The following CEP170 variants were observed in gnomAD, a reference collection of about 807,000 sequenced individuals.
The protein encoded by CEP170 is centrosomal protein of 170 kDa.
A neutral mutation model predicts 151.9 loss-of-function variants in CEP170; 21 were observed. That is an observed-to-expected ratio of 0.14 (90% confidence interval 0.10 to 0.20). CEP170 has a LOEUF of 0.20. Among genes scored for constraint, CEP170 ranks in the 10% least tolerant of loss-of-function variants. The pLI is 1.00. For missense variants in CEP170, 964 were observed against 1,892.9 expected (o/e 0.51, Z 9.11); for synonymous variants, 356 against 648.8 (o/e 0.55, Z 6.86).
At chr1:243,252,299 T>C (rs913254459) in intron 1 of CEP170, among the ~76,000 whole-genome samples, 2 of 152,172 alleles carry the variant, frequency 1.3e-5, no homozygotes, top group African/African-American at 4.8e-5. Context: ...CTGCTTAACA[T>C]CCCAGTGTTT....
chr1:243,211,835 G>C, intron 4 of CEP170, 51 bp downstream of exon 4: 1 of 1,559,248 alleles, frequency 6.4e-7, no homozygotes, highest in Middle Eastern at 1.7e-4. Context: ...TTAAACCAGA[G>C]TAAACATATT....
intron 1 of CEP170, among the ~76,000 whole-genome samples, chr1:243,246,971 T>C (rs971793483): frequency 6.6e-6 from 1 of 152,178 alleles, no homozygotes; most frequent in Non-Finnish European, 1.5e-5. Flanking sequence ...GTATTTGCGA[T>C]GTTCCTTTTT....
Position 243,160,515 on chromosome 1 carries a change from C to G in CEP170, c.3676+3769G>C, listed in dbSNP as rs192140639. Among the ~76,000 whole-genome samples the G allele has an allele frequency of 1.9e-3, 293 of 152,156 alleles. 2 individuals are homozygous for G. Among genetic ancestry groups the G allele is most frequent in the African/African-American group, 6.7e-3 (280 of 41,514 alleles). ...TACTATCATTTATGATGTCTAGAGA[C>G]TTAAAAAGGAAAAAAAGAGTTGTTA... On this transcript the variant is annotated intron_variant, in intron 13 of 19. Transcript: ENST00000366542.
chr1:243,246,833 A>G (rs1383288423), intron 1 of CEP170, among the ~76,000 whole-genome samples: 1 of 152,162 alleles, frequency 6.6e-6, no homozygotes, highest in Non-Finnish European at 1.5e-5. Context: ...CATTATATGC[A>G]TTTTTTATCC....
At chr1:243,242,762 G>A (rs967021871) in intron 1 of CEP170, among the ~76,000 whole-genome samples, 8 of 151,820 alleles carry the variant, frequency 5.3e-5, no homozygotes, top group Non-Finnish European at 7.4e-5. Context: ...GTGCAGTGGC[G>A]CAATCTCGGC....
chr1:243,141,704 T>A (rs1353932178), intron 15 of CEP170, among the ~76,000 whole-genome samples: 1 of 152,256 alleles, frequency 6.6e-6, no homozygotes, highest in Non-Finnish European at 1.5e-5. Context: ...CCTGGAGTTA[T>A]ACTGTAAGAG....
intron 1 of CEP170, among the ~76,000 whole-genome samples, chr1:243,232,601 C>G (rs758336852): frequency 2.6e-5 from 4 of 152,190 alleles, no homozygotes; most frequent in Middle Eastern, 3.2e-3. Context: ...GCAAAACTGT[C>G]TTCCTCCATT....
chr1:243,127,310 C>T (rs1280191405), intron 19 of CEP170, among the ~76,000 whole-genome samples: 3 of 152,146 alleles, frequency 2.0e-5, no homozygotes, highest in African/African-American at 4.8e-5. Flanking sequence ...GCTTGCAAAG[C>T]CAAACAGACT....
chr1:243,222,674 T>C (rs1370086312), intron 2 of CEP170, among the ~76,000 whole-genome samples: 1 of 152,202 alleles, frequency 6.6e-6, no homozygotes, highest in Admixed American at 6.5e-5. Flanking sequence ...CTTCCAATTT[T>C]TGGTCCAACA....
chr1:243,176,176 C>T (rs1389976065), intron 10 of CEP170, among the ~76,000 whole-genome samples: 1 of 152,028 alleles, frequency 6.6e-6, no homozygotes, highest in Non-Finnish European at 1.5e-5. Flanking sequence ...AAATCCCAAA[C>T]ATGAGATAGT....
In CEP170 at chr1:243,191,072, C is replaced by T. The variant is rs1166930308; in HGVS notation, c.1054G>A (p.Glu352Lys). 6.2e-7 allele frequency: 1 copy of T among 1,611,648 alleles called. No individual in the cohort carries two copies. The highest frequency in any genetic ancestry group is 8.5e-7 in the Non-Finnish European group (1 of 1,178,592). The change falls in exon 8 of 20, where the codon GAG becomes AAG. Residue 352 changes from glutamate (E) to lysine (K), a missense_variant. Transcript: ENST00000366542. Reference sequence around the variant, plus strand: ...TCACTTTTAATGCTTTTAGAATCCTCTTCTGTTCTTTCCCATAGCATTTGA... The same window carrying T: ...TCACTTTTAATGCTTTTAGAATCCTTTTCTGTTCTTTCCCATAGCATTTGA... Reference protein sequence around the residue: ...PPQMLWERTEEDSKSIKSDVP... With the variant: ...PPQMLWERTEKDSKSIKSDVP...
intron 10 of CEP170, among the ~76,000 whole-genome samples, chr1:243,180,354 G>A (rs538557686): frequency 6.6e-6 from 1 of 152,344 alleles, no homozygotes; most frequent in South Asian, 2.1e-4. Context: ...CACAGCAGGA[G>A]AGGGTTTCTT....
chr1:243,239,799 G>A (rs978568351), intron 1 of CEP170, among the ~76,000 whole-genome samples: 2 of 152,096 alleles, frequency 1.3e-5, no homozygotes, highest in African/African-American at 4.8e-5. Flanking sequence ...ATTCATTTTT[G>A]TCTATTTTCC....
chr1:243,209,498 T>C (rs2061636197), intron 4 of CEP170, among the ~76,000 whole-genome samples: 1 of 152,204 alleles, frequency 6.6e-6, no homozygotes, highest in Admixed American at 6.5e-5. Flanking sequence ...GCTGTAGCTT[T>C]TTAATCAAAA....
chr1:243,166,554 AC>A (rs112590428), intron 12 of CEP170: 1,689 of 160,428 alleles, frequency 0.011, 37 homozygotes, highest in African/African-American at 0.038. Flanking sequence ...CAGCTATATT[AC>A]ATTACATTTT....
rs751388751 is a variant in CEP170, at chr1:243,210,608, A to ATTTTTTTTT, written c.274+1269_274+1277dup. Among the ~76,000 whole-genome samples the ATTTTTTTTT allele has an allele frequency of 1.8e-3, 123 of 67,940 alleles. 2 individuals carry two copies. The highest frequency in any genetic ancestry group is 2.5e-3 in the Admixed American group (10 of 3,938). 44.6% of individuals were successfully genotyped at this position (67,940 alleles called of 152,430 possible). On this transcript the variant is annotated intron_variant, in intron 4 of 19. Coordinates refer to ENST00000366542, the MANE Select transcript of CEP170 (RefSeq NM_014812.3). The stretch of plus-strand genomic sequence containing the variant: ...AAAAATTGTAATATTATTTTTCGTA[A>ATTTTTTTTT]TTTTTTTTTTTTTTTTTTTTTTTTT...
chr1:243,155,015 A>C (rs1004935077), intron 14 of CEP170, among the ~76,000 whole-genome samples: 2 of 152,174 alleles, frequency 1.3e-5, no homozygotes, highest in African/African-American at 4.8e-5. Context: ...AAGTACAAAA[A>C]AATGTGTCAA....
intron 4 of CEP170, among the ~76,000 whole-genome samples, chr1:243,209,530 A>G (rs1244942707): frequency 6.6e-6 from 1 of 152,198 alleles, no homozygotes; most frequent in African/African-American, 2.4e-5. Flanking sequence ...TCCAAAGTAT[A>G]GCAGTTTATA....
intron 8 of CEP170, 66 bp downstream of exon 8, chr1:243,190,952 T>C: frequency 6.9e-7 from 1 of 1,459,052 alleles, no homozygotes; most frequent in Non-Finnish European, 9.1e-7. Flanking sequence ...ACTAGTAGTC[T>C]AGTAAATGAA....
Sources: allele counts gnomAD v4.1 joint callset (sites outside exome capture counted in the v4.1 genomes callset), GRCh38; gene constraint gnomAD v4.1.1; transcripts MANE v1.5; gene names NCBI Gene and HGNC (gene_info 2026-07-23, HGNC 2026-07-21).